CPLANE1: variants seen among roughly 807,000 people sequenced by gnomAD.
CPLANE1 encodes ciliogenesis and planar polarity effector complex subunit 1, also known as ciliogenesis and planar polarity effector 1.
In CPLANE1, 263 loss-of-function variants were observed where a neutral mutation model predicts 362.5. The observed-to-expected ratio is 0.73, with a 90% CI of 0.66 to 0.80. CPLANE1 has a LOEUF of 0.80. Ranked by LOEUF, CPLANE1 falls within the 30% of genes least tolerant of loss-of-function variation. The pLI, the probability that CPLANE1 is intolerant of heterozygous loss-of-function variation, is 0.00. For missense variants in CPLANE1, 3,461 were observed against 3,793.4 expected, an observed-to-expected ratio of 0.91 and a Z score of 2.30; for synonymous variants, 1,212 against 1,302.6, an observed-to-expected ratio of 0.93 and a Z score of 1.50.
chr5:37,211,425 G>C, intron 16 of CPLANE1: 1 of 1,509,620 alleles, frequency 6.6e-7, no homozygotes, highest in Non-Finnish European at 8.9e-7. Context: ...CAGTTCCCCG[G>C]AAAGACGTAT....
chr5:37,173,727 T>G (rs1296935870), intron 32 of CPLANE1, 28 bp downstream of exon 32: 1 of 1,568,202 alleles, frequency 6.4e-7, no homozygotes, highest in Non-Finnish European at 8.7e-7. Context: ...ATGTGTAGAT[T>G]TACTTACTTA....
At position 37,184,839 on chromosome 5, in the gene CPLANE1, A is replaced by G; in HGVS notation, c.4430T>C (p.Phe1477Ser). Residue 1477 changes from phenylalanine to serine, a missense_variant, in exon 25 of 53, where the codon TTC becomes TCC. Transcript: ENST00000651892. Reference protein sequence around the residue: ...DSVVHSDADTFSEALSVEEKS... With the variant: ...DSVVHSDADTSSEALSVEEKS... Reference sequence around the variant, plus strand: ...TTCTTCAACCGACAAAGCTTCAGAGAACGTATCTGCATCACTGTGAACCAC... The same window carrying G: ...TTCTTCAACCGACAAAGCTTCAGAGGACGTATCTGCATCACTGTGAACCAC... The G allele has an allele frequency of 6.2e-7, 1 of 1,613,868 alleles. No individual in the cohort carries two copies. Among genetic ancestry groups the G allele is most frequent in the Non-Finnish European group, 8.5e-7 (1 of 1,179,910 alleles).
chr5:37,177,779 A>G, intron 29 of CPLANE1, 79 bp from the exon 30 acceptor site: 1 of 1,067,420 alleles, frequency 9.4e-7, no homozygotes, highest in Non-Finnish European at 1.4e-6. Context: ...TGAGTCTCAT[A>G]TTAGCCACTT....
chr5:37,161,206 A>T (rs1412183492), intron 38 of CPLANE1, among the ~76,000 whole-genome samples: 2 of 152,202 alleles, frequency 1.3e-5, no homozygotes, highest in South Asian at 4.1e-4. Flanking sequence ...AATGAACAGG[A>T]TAGAAAATAC....
At chr5:37,142,744 C>CA (rs901532446) in intron 43 of CPLANE1, 59 of 224,580 alleles carry the variant, frequency 2.6e-4, no homozygotes, top group Middle Eastern at 1.4e-3. Flanking sequence ...TGCTAAATTA[C>CA]AAAAAAAAAT....
intron 50 of CPLANE1, among the ~76,000 whole-genome samples, 165 bp downstream of exon 50, chr5:37,120,051 A>G (rs75040582): frequency 2.4e-3 from 345 of 146,640 alleles, no homozygotes; most frequent in Non-Finnish European, 4.2e-3. Context: ...TTCAAAGCAG[A>G]AAAAAAAAAA....
chr5:37,166,931 CTGAA>C (rs1778397727), intron 35 of CPLANE1, 112 bp downstream of exon 35: 3 of 758,710 alleles, frequency 4.0e-6, no homozygotes, highest in Non-Finnish European at 6.2e-6. Flanking sequence ...GAAAAGAAAA[CTGAA>C]TGTGCAATTG....
the CPLANE1 span, among the ~76,000 whole-genome samples, chr5:37,082,562 A>G: frequency 6.6e-6 from 1 of 152,184 alleles, no homozygotes; most frequent in Non-Finnish European, 1.5e-5. Context: ...TTCAACCAAG[A>G]AGACATCACT....
intron 49 of CPLANE1, among the ~76,000 whole-genome samples, chr5:37,120,849 TCTACA>T (rs1216416844): frequency 2.6e-5 from 4 of 152,338 alleles, no homozygotes; most frequent in African/African-American, 9.6e-5. Context: ...TGAAGTAAAC[TCTACA>T]CTACACACAC....
chr5:37,080,892 C>T, the CPLANE1 span, among the ~76,000 whole-genome samples: 1 of 152,202 alleles, frequency 6.6e-6, no homozygotes, highest in Admixed American at 6.5e-5. Context: ...TCAGAATAAA[C>T]CTGGCACGCA....
chr5:37,088,069 C>T, the CPLANE1 span, among the ~76,000 whole-genome samples: 3 of 152,344 alleles, frequency 2.0e-5, no homozygotes, highest in African/African-American at 7.2e-5. Flanking sequence ...CAGGCCTATG[C>T]TCAAGTGTCT....
At chr5:37,157,520 C>A in intron 40 of CPLANE1, 100 bp from the exon 41 acceptor site, 2 of 1,143,488 alleles carry the variant, frequency 1.7e-6, no homozygotes, top group Non-Finnish European at 2.6e-6. Context: ...ATAAGGTAAT[C>A]CGAAGATTAA....
chr5:37,183,132 C>T lies in CPLANE1; in HGVS notation c.5049G>A (p.Arg1683=). The change falls in exon 26 of 53, where the codon AGG becomes AGA. Residue 1683 remains arginine, a synonymous_variant. Coordinates refer to ENST00000651892, the MANE Select transcript of CPLANE1 (RefSeq NM_001384732.1). Reference sequence around the variant, plus strand: ...TGTCATCTTGTATTTTGTAAATTGACCTTTGTTTTAAACCAAATAATCCAC... The same window carrying T: ...TGTCATCTTGTATTTTGTAAATTGATCTTTGTTTTAAACCAAATAATCCAC... The part of the protein sequence containing the change: ...GMSGLFGLKQ[R]SIYKIQDDTR... The T allele has an allele frequency of 5.0e-6, 8 of 1,612,952 alleles. No homozygotes were observed. Among genetic ancestry groups the T allele is most frequent in the Non-Finnish European group, 6.8e-6 (8 of 1,179,658 alleles).
Position 37,244,378 on chromosome 5 carries a change from A to AT in CPLANE1, c.566dup (p.Asn189LysfsTer2). The AT allele has an allele frequency of 1.3e-6, 2 of 1,546,882 alleles. No homozygotes were observed. Among genetic ancestry groups the AT allele is most frequent in the Non-Finnish European group, 1.7e-6 (2 of 1,145,226 alleles). ...AAGAGTCTGAGACTGATTTTACCTCATTTTTTATAAAAACAGCATTCACTA... is the reference window on the plus strand; with the variant it reads ...AAGAGTCTGAGACTGATTTTACCTCATTTTTTTATAAAAACAGCATTCACTA... On this transcript the variant is annotated frameshift_variant, in exon 5 of 53. Transcript: ENST00000651892.
intron 51 of CPLANE1, among the ~76,000 whole-genome samples, chr5:37,114,517 ACTT>A (rs1453120124): frequency 6.6e-6 from 1 of 152,156 alleles, no homozygotes; most frequent in African/African-American, 2.4e-5. Context: ...CTACTCCAAA[ACTT>A]CTTCTCTGAA....
intron 47 of CPLANE1, among the ~76,000 whole-genome samples, 191 bp from the exon 48 acceptor site, chr5:37,122,679 T>C (rs560650999): frequency 2.6e-4 from 40 of 152,224 alleles, no homozygotes; most frequent in Non-Finnish European, 3.8e-4. Context: ...TTAGGGAGGC[T>C]GCGGCGGGCG....
chr5:37,153,641 G>A, intron 42 of CPLANE1, 99 bp downstream of exon 42: 1 of 1,256,034 alleles, frequency 8.0e-7, no homozygotes, highest in Non-Finnish European at 1.1e-6. Context: ...AGAAAACAAA[G>A]TTCTCATTAT....
At chr5:37,144,253 C>A (rs1301895059) in intron 43 of CPLANE1, among the ~76,000 whole-genome samples, 6 of 151,416 alleles carry the variant, frequency 4.0e-5, no homozygotes, top group African/African-American at 1.5e-4. Context: ...ACTAAAAATA[C>A]AAAAAATTAG....
At chr5:37,075,866 C>A in the CPLANE1 span, among the ~76,000 whole-genome samples, 13 of 152,120 alleles carry the variant, frequency 8.5e-5, no homozygotes, top group African/African-American at 3.1e-4. Context: ...AAATTGCTTA[C>A]CCCTCACTTG....
Sources: allele counts gnomAD v4.1 joint callset (sites outside exome capture counted in the v4.1 genomes callset), GRCh38; gene constraint gnomAD v4.1.1; transcripts MANE v1.5; gene names NCBI Gene and HGNC (gene_info 2026-07-23, HGNC 2026-07-21).